ABHD17A: variants seen among roughly 807,000 people sequenced by gnomAD.
ABHD17A encodes abhydrolase domain containing 17A, depalmitoylase.
A neutral mutation model predicts 26.8 loss-of-function variants in ABHD17A; 10 were observed. The ratio of observed to expected loss-of-function variants is 0.37; its 90% CI spans 0.23 to 0.63. The LOEUF is 0.63. Ranked by LOEUF, ABHD17A falls within the 30% of genes least tolerant of loss-of-function variation. The pLI is 0.61. For missense variants in ABHD17A, 292 were observed against 457.3 expected, an observed-to-expected ratio of 0.64 and a Z score of 3.30; for synonymous variants, 167 against 210.9, an observed-to-expected ratio of 0.79 and a Z score of 1.80.
Position 1,879,816 on chromosome 19 carries a change from C to T in ABHD17A, c.527+105G>A. On this transcript the variant is annotated intron_variant, in intron 3 of 4. Coordinates refer to ENST00000292577, the MANE Select transcript of ABHD17A (RefSeq NM_001130111.2). This position sits in a 1 kb window ranked among gnomAD's most constrained non-coding sequence, Gnocchi z 7.6. The stretch of plus-strand genomic sequence containing the variant: ...CTGTGCATCCACTGTGGCTCCCCTC[C>T]TGCAGGGCCGCCCACCTTCCTCCCA... 8.1e-7 allele frequency: 1 copy of T among 1,228,678 alleles called. No homozygotes were observed. Among genetic ancestry groups the T allele is most frequent in the Non-Finnish European group, 1.1e-6 (1 of 885,662 alleles). The allele number at this position is 1,228,678 out of a possible 1,614,324, so 76.1% of individuals were successfully genotyped here.
Position 1,879,146 on chromosome 19 carries a change from C to T in ABHD17A, c.527+775G>A, listed in dbSNP as rs3957284. ...TGCCTGCATATCACCAAGGCAACGA[C>T]GACCCCACCTCCCTAGGGCCTCTGA... is the stretch of plus-strand genomic sequence containing the variant. On this transcript the variant is annotated intron_variant, in intron 3 of 4. Transcript: ENST00000292577. The surrounding 1 kb of genome is among the most constrained non-coding windows in gnomAD (Gnocchi z 7.6). The T allele has an allele frequency of 6.6e-6, 1 of 152,278 alleles. No homozygotes were observed. Among genetic ancestry groups the T allele is most frequent in the Non-Finnish European group, 1.5e-5 (1 of 68,086 alleles). The allele number at this position is 152,278 out of a possible 1,614,324, so 9.4% of individuals were successfully genotyped here.
intron 1 of ABHD17A, among the ~76,000 whole-genome samples, chr19:1,884,734 G>A (rs1406576475): frequency 6.6e-6 from 1 of 152,020 alleles, no homozygotes. Flanking sequence ...CTGGGAGGAA[G>A]AAGTGAGCAG....
At position 1,880,143 on chromosome 19, in the gene ABHD17A, C is replaced by T. The variant is rs752266091; in HGVS notation, c.333-28G>A. The T allele has an allele frequency of 6.2e-7, 1 of 1,610,430 alleles. No homozygotes were observed. Among genetic ancestry groups the T allele is most frequent in the Non-Finnish European group, 8.5e-7 (1 of 1,178,664 alleles). ...GGGACAGGCCGAGAAGGGCCGTTCA[C>T]ATCCTCGCTCCCAGCGCCCAGCTGC... On this transcript the variant is annotated intron_variant, in intron 2 of 4. Coordinates refer to ENST00000292577, the MANE Select transcript of ABHD17A (RefSeq NM_001130111.2). This position sits in a 1 kb window ranked among gnomAD's most constrained non-coding sequence, Gnocchi z 4.1.
Position 1,880,186 on chromosome 19 carries a change from A to G in ABHD17A, c.333-71T>C. 1 of 1,548,802 alleles carries G rather than the reference A, an allele frequency of 6.5e-7. No individual in the cohort carries two copies. Among genetic ancestry groups the G allele is most frequent in the Non-Finnish European group, 8.8e-7 (1 of 1,134,696 alleles). On this transcript the variant is annotated intron_variant, in intron 2 of 4. Coordinates refer to ENST00000292577, the MANE Select transcript of ABHD17A (RefSeq NM_001130111.2). This position sits in a 1 kb window ranked among gnomAD's most constrained non-coding sequence, Gnocchi z 4.1. ...CCAGCTGCAGGGCAGGAGGATGCGT[A>G]GTGACAGCCCACCCCGGTGGCCAGC...
chr19:1,877,172 G>A lies in ABHD17A; in HGVS notation c.*28C>T, dbSNP rs1351137513. The A allele has an allele frequency of 2.2e-6, 3 of 1,386,162 alleles. No homozygotes were observed. In the Admixed American group the frequency reaches 6.3e-5, roughly 29 times the overall value. The allele number at this position is 1,386,162 out of a possible 1,614,324, so 85.9% of individuals were successfully genotyped here. ...GGTGAGGTCCGGGGGCCGCCTTATT[G>A]CTGAGGTCCGGCCGGTTGGGGCCGC... is the stretch of plus-strand genomic sequence containing the variant. On this transcript the variant is annotated 3_prime_UTR_variant, in exon 5 of 5. Coordinates refer to ENST00000292577, the MANE Select transcript of ABHD17A (RefSeq NM_001130111.2).
chr19:1,881,752 G>A lies in ABHD17A; in HGVS notation c.-186C>T. ...GCCCAGCCCCATCGCGGTCCAAGCC[G>A]AGCCCCAGGGAGCCTCGCAACCACA... On this transcript the variant is annotated 5_prime_UTR_variant, in exon 2 of 5. Coordinates refer to ENST00000292577, the MANE Select transcript of ABHD17A (RefSeq NM_001130111.2). 9.8e-6 allele frequency: 7 copies of A among 715,452 alleles called. No individual in the cohort carries two copies. Among genetic ancestry groups the A allele is most frequent in the South Asian group, 2.4e-5 (1 of 40,850 alleles). The allele number at this position is 715,452 out of a possible 1,614,324, so 44.3% of individuals were successfully genotyped here.
intron 1 of ABHD17A, chr19:1,882,747 G>C (rs1227551183): frequency 6.6e-6 from 1 of 152,172 alleles, no homozygotes; most frequent in Admixed American, 6.5e-5. Context: ...CCAACAGACA[G>C]ACGTGAAGAA....
In ABHD17A at chr19:1,876,833, T is replaced by C. The variant is rs1450121989; in HGVS notation, c.*367A>G. 5 of 261,416 alleles carry C rather than the reference T, an allele frequency of 1.9e-5. No homozygotes were observed. The highest frequency in any genetic ancestry group is 3.7e-5 in the Non-Finnish European group (5 of 134,490). 16.2% of individuals were successfully genotyped at this position (261,416 alleles called of 1,614,324 possible). A position where few individuals can be genotyped will look rare whatever the true frequency, so the allele number is the denominator to read the frequency against. On this transcript the variant is annotated 3_prime_UTR_variant, in exon 5 of 5. Transcript: ENST00000292577. ...CGGACTAGACAGAGACCCACCCCACTTCCGCAGAGTAAAACCTATAAGGGG... is the reference window on the plus strand; with the variant it reads ...CGGACTAGACAGAGACCCACCCCACCTCCGCAGAGTAAAACCTATAAGGGG...
chr19:1,880,110 G>C lies in ABHD17A; in HGVS notation c.338C>G (p.Thr113Arg). The change falls in exon 3 of 5, where the codon ACG becomes AGG. Residue 113 changes from threonine to arginine, a missense_variant. Physicochemically the swap from Thr to Arg is moderately conservative, Grantham distance 71 (BLOSUM62 -1). Coordinates refer to ENST00000292577, the MANE Select transcript of ABHD17A (RefSeq NM_001130111.2). The surrounding 1 kb of genome is among the most constrained non-coding windows in gnomAD (Gnocchi z 4.1). ...YVRCVPGARY[T>R]VLFSHGNAVD... The stretch of plus-strand genomic sequence containing the variant: ...GGCATTGCCGTGCGAGAAGAGGACC[G>C]TGTACCTGGGACAGGCCGAGAAGGG... The C allele has an allele frequency of 6.2e-7, 1 of 1,612,956 alleles. No homozygotes were observed. Among genetic ancestry groups the C allele is most frequent in the South Asian group, 1.1e-5 (1 of 91,074 alleles).
In ABHD17A at chr19:1,877,419, C is replaced by T; in HGVS notation, c.714G>A (p.Glu238=). ...CGGGAGACGTGATCTTGGACACCTT[C>T]TCGATGCTGCGGGAGGGTCGTGGAG... ...TYCFDAFPNI[E]KVSKITSPVL... The change falls in exon 5 of 5, where the codon GAG becomes GAA. Residue 238 remains glutamate (E), a synonymous_variant. Transcript: ENST00000292577. The T allele has an allele frequency of 6.4e-7, 1 of 1,564,496 alleles. No homozygotes were observed. Among genetic ancestry groups the T allele is most frequent in the Non-Finnish European group, 8.6e-7 (1 of 1,161,812 alleles).
chr19:1,880,937 T>A lies in ABHD17A; in HGVS notation c.332+298A>T. On this transcript the variant is annotated intron_variant, in intron 2 of 4. Coordinates refer to ENST00000292577, the MANE Select transcript of ABHD17A (RefSeq NM_001130111.2). This position sits in a 1 kb window ranked among gnomAD's most constrained non-coding sequence, Gnocchi z 4.1. ...TGTACCCGCAGGCCAGGGCAGCCCC[T>A]GTGCCCCAGCTCTTGCCCAGCAGGC... 6.2e-7 allele frequency: 1 copy of A among 1,613,020 alleles called. No homozygotes were observed. The highest frequency in any genetic ancestry group is 8.5e-7 in the Non-Finnish European group (1 of 1,179,904).
chr19:1,882,452 C>G (rs1227995350), intron 1 of ABHD17A: 2 of 152,258 alleles, frequency 1.3e-5, no homozygotes, highest in Non-Finnish European at 2.9e-5. Flanking sequence ...GCCAGGCCTG[C>G]TGAGGGGCAG....
In ABHD17A at chr19:1,877,325, A is replaced by T. The variant is rs1489137330; in HGVS notation, c.808T>A (p.Cys270Ser). 5 of 1,530,508 alleles carry T rather than the reference A, an allele frequency of 3.3e-6. No homozygotes were observed. The South Asian group carries it at 4.8e-5, about 15-fold the overall frequency. The allele number at this position is 1,530,508 out of a possible 1,614,324, so 94.8% of individuals were successfully genotyped here. A position where few individuals can be genotyped will look rare whatever the true frequency, so the allele number is the denominator to read the frequency against. Residue 270 changes from cysteine (C) to serine (S), a missense_variant, in exon 5 of 5, where the codon TGC (cysteine) becomes AGC (serine). Around this residue, in one of 4 missense-constraint regions of ABHD17A, gnomAD observed 88 missense variants for 134.3 expected, o/e 0.66. Transcript: ENST00000292577. ...CACAGCGGCTCCACCGCCTTGGGGC[A>T]GCGCTCGTAGAGCGCCAGCCCGTGC... ...FSHGLALYERCPKAVEPLWVE... is the reference protein window; with the variant it reads ...FSHGLALYERSPKAVEPLWVE...
intron 1 of ABHD17A, chr19:1,882,313 G>A (rs2012564196): frequency 6.6e-6 from 1 of 152,318 alleles, no homozygotes; most frequent in South Asian, 2.1e-4. Flanking sequence ...CAGGCGCCGG[G>A]TCCCACCGGC....
intron 1 of ABHD17A, among the ~76,000 whole-genome samples, chr19:1,884,552 G>A (rs889534711): frequency 2.6e-5 from 4 of 152,154 alleles, no homozygotes; most frequent in African/African-American, 7.2e-5. Flanking sequence ...ACCTACATAT[G>A]GGAGACGGTG....
Position 1,877,384 on chromosome 19 carries a change from A to T in ABHD17A, c.749T>A (p.Ile250Asn). 6.4e-7 allele frequency: 1 copy of T among 1,562,514 alleles called. No homozygotes were observed. The highest frequency in any genetic ancestry group is 8.6e-7 in the Non-Finnish European group (1 of 1,161,166). The change falls in exon 5 of 5, where the codon ATC becomes AAC. Residue 250 changes from isoleucine (I) to asparagine (N), a missense_variant. Around this residue, in one of 4 missense-constraint regions of ABHD17A, gnomAD observed 88 missense variants for 134.3 expected, o/e 0.66. Transcript: ENST00000292577. Reference sequence around the variant, plus strand: ...GATCACCTCGTCCTCCGTGCCGTGGATGATGAGCACGGGAGACGTGATCTT... The same window carrying T: ...GATCACCTCGTCCTCCGTGCCGTGGTTGATGAGCACGGGAGACGTGATCTT... ...VSKITSPVLIIHGTEDEVIDF... is the reference protein window; with the variant it reads ...VSKITSPVLINHGTEDEVIDF...
At position 1,880,915 on chromosome 19, in the gene ABHD17A, A is replaced by G. The variant is rs533686059; in HGVS notation, c.332+320T>C. On this transcript the variant is annotated intron_variant, in intron 2 of 4. Transcript: ENST00000292577. The surrounding 1 kb of genome is among the most constrained non-coding windows in gnomAD (Gnocchi z 4.1). ...CCCCACCTGGCGAGAAGGTGGATGTACCCGCAGGCCAGGGCAGCCCCTGTG... is the reference window on the plus strand; with the variant it reads ...CCCCACCTGGCGAGAAGGTGGATGTGCCCGCAGGCCAGGGCAGCCCCTGTG... 102 of 1,612,988 alleles carry G rather than the reference A, an allele frequency of 6.3e-5. 1 individual carries two copies. In the East Asian group the frequency reaches 2.2e-3, roughly 35 times the overall value.
At chr19:1,881,081 G>C (rs757557954) in intron 2 of ABHD17A, 154 bp downstream of exon 2, 1 of 1,583,168 alleles carries the variant, frequency 6.3e-7, no homozygotes, top group Non-Finnish European at 8.6e-7. Flanking sequence ...GGACGAGGCC[G>C]GCCTGACGGG....
At chr19:1,883,088 AG>A (rs1347634086) in intron 1 of ABHD17A, 2 of 152,212 alleles carry the variant, frequency 1.3e-5, no homozygotes, top group Admixed American at 1.3e-4. Context: ...TGGGCACACG[AG>A]GAGGAGAGGA....
Sources: gnomAD v4.1 joint callset for allele counts (sites outside exome capture counted in the v4.1 genomes callset) on GRCh38, gnomAD v4.1.1 for gene constraint, gnomAD v4.1.1 regional missense constraint, Gnocchi (gnomAD v3.1) non-coding constraint, MANE v1.5 for transcripts, NCBI Gene and HGNC (gene_info 2026-07-23, HGNC 2026-07-21) for gene names.